Variants in SORT1 observed in about 807,000 individuals in gnomAD.
SORT1 encodes sortilin 1.
Under a neutral mutation model 101.7 loss-of-function variants are expected in SORT1, and 39 were observed. The observed-to-expected ratio is 0.38, with a 90% CI of 0.30 to 0.50. The LOEUF is 0.50. SORT1 is among the 20% of genes least tolerant of loss of function. The probability of loss-of-function intolerance (pLI) is 0.90; values close to 1 mark genes in which losing one functional copy is unlikely to be tolerated. For missense variants in SORT1, 878 were observed against 1,040.4 expected (o/e 0.84, Z 2.15); for synonymous variants, 396 against 393.7 (o/e 1.01, Z -0.07).
At chr1:109,387,942 C>T (rs758337209) in intron 1 of SORT1, among the ~76,000 whole-genome samples, 18 of 151,754 alleles carry the variant, frequency 1.2e-4, no homozygotes, top group Non-Finnish European at 2.5e-4. Flanking sequence ...AGAGCGAGAC[C>T]CTGTCTCAAA....
chr1:109,314,505 C>T (rs1658920543), intron 18 of SORT1, 121 bp from the exon 19 acceptor site: 1 of 1,277,668 alleles, frequency 7.8e-7, no homozygotes, highest in Admixed American at 2.3e-5. Context: ...AAAGCACAGT[C>T]CATGGTTGAC....
chr1:109,372,221 T>G (rs1570967080), intron 1 of SORT1, among the ~76,000 whole-genome samples: 2 of 152,344 alleles, frequency 1.3e-5, no homozygotes, highest in Admixed American at 1.3e-4. Flanking sequence ...ACAACGTACA[T>G]GTCATTCTAC....
chr1:109,397,570 GC>G lies in SORT1; in HGVS notation c.306+16del. The G allele has an allele frequency of 8.5e-7, 1 of 1,179,700 alleles. No individual in the cohort carries two copies. 73.1% of individuals were successfully genotyped at this position (1,179,700 alleles called of 1,614,324 possible). A position where few individuals can be genotyped will look rare whatever the true frequency, so the allele number is the denominator to read the frequency against. On this transcript the variant is annotated intron_variant, in intron 1 of 19. Transcript: ENST00000256637. ...CACCTCGCACCCGAGCGGCTCCCGGGCCCGGCGCCCGCTCACCTGGTGCGTG... is the reference window on the plus strand; with the variant it reads ...CACCTCGCACCCGAGCGGCTCCCGGGCCGGCGCCCGCTCACCTGGTGCGTG...
intron 1 of SORT1, chr1:109,393,147 T>A: frequency 1.0e-6 from 1 of 985,466 alleles, no homozygotes; most frequent in Non-Finnish European, 1.2e-6. Flanking sequence ...GACTCAACCC[T>A]GCCAGAGCCA....
intron 1 of SORT1, chr1:109,392,668 C>A (rs2100934436): frequency 1.0e-6 from 1 of 984,504 alleles, no homozygotes; most frequent in South Asian, 4.7e-5. Flanking sequence ...AACCAAACTT[C>A]AGATGAAGAC....
At chr1:109,341,948 A>C in intron 9 of SORT1, 66 bp downstream of exon 9, 1 of 1,487,100 alleles carries the variant, frequency 6.7e-7, no homozygotes, top group Non-Finnish European at 9.4e-7. Context: ...TCGACATGTA[A>C]AAATAAAAGC....
chr1:109,369,540 T>C lies in SORT1; in HGVS notation c.356A>G (p.Asp119Gly). The C allele has an allele frequency of 6.2e-7, 1 of 1,604,078 alleles. No individual in the cohort carries two copies. Among genetic ancestry groups the C allele is most frequent in the Non-Finnish European group, 8.5e-7 (1 of 1,170,952 alleles). ...RGSVSLSWVG[D>G]STGVILVLTT... ...CAAAATATGACTTACCCCAGTGCTA[T>C]CTCCAACCCAGGACAAGGATACTGA... The change falls in exon 2 of 20, where the codon GAT (aspartate) becomes GGT (glycine). Residue 119 changes from aspartate to glycine, a missense_variant. This residue lies in a region of SORT1 where 684 missense variants were observed against 894.5 expected (regional missense o/e 0.76). Coordinates refer to ENST00000256637, the MANE Select transcript of SORT1 (RefSeq NM_002959.7).
chr1:109,378,135 G>A (rs1299664862), intron 1 of SORT1, among the ~76,000 whole-genome samples: 1 of 152,114 alleles, frequency 6.6e-6, no homozygotes, highest in African/African-American at 2.4e-5. Flanking sequence ...TACTCAGGAA[G>A]CTGAGGTAGG....
chr1:109,363,971 A>C (rs2101619092), intron 3 of SORT1, among the ~76,000 whole-genome samples: 1 of 152,350 alleles, frequency 6.6e-6, no homozygotes, highest in East Asian at 1.9e-4. Flanking sequence ...AAAGGCAACA[A>C]GGCATATTTA....
chr1:109,344,064 T>G (rs1227189095), intron 8 of SORT1, among the ~76,000 whole-genome samples: 1 of 152,166 alleles, frequency 6.6e-6, no homozygotes, highest in African/African-American at 2.4e-5. Flanking sequence ...AAGGTACCCT[T>G]GATTCCACTC....
intron 11 of SORT1, among the ~76,000 whole-genome samples, chr1:109,331,895 A>G (rs1648479013): frequency 6.6e-6 from 1 of 151,866 alleles, no homozygotes; most frequent in Non-Finnish European, 1.5e-5. Context: ...AACTATCCAA[A>G]AAAGAAATCA....
chr1:109,335,940 T>G (rs1648793659), intron 11 of SORT1, among the ~76,000 whole-genome samples: 1 of 152,252 alleles, frequency 6.6e-6, no homozygotes, highest in Non-Finnish European at 1.5e-5. Context: ...GCTGCCAAGC[T>G]GACCCCTAAC....
intron 16 of SORT1, among the ~76,000 whole-genome samples, chr1:109,317,296 C>G (rs903064322): frequency 6.6e-6 from 1 of 152,042 alleles, no homozygotes; most frequent in Admixed American, 6.6e-5. Context: ...TAATGAGGCC[C>G]GTCTAGAGCA....
In SORT1 at chr1:109,311,015, C is replaced by T. The variant is rs940224008; in HGVS notation, c.*3028G>A. 3.7e-4 allele frequency: 56 copies of T among 152,346 alleles called. No homozygotes were observed. Among genetic ancestry groups the T allele is most frequent in the African/African-American group, 1.3e-3 (54 of 41,556 alleles). 9.4% of individuals were successfully genotyped at this position (152,346 alleles called of 1,614,324 possible). On this transcript the variant is annotated 3_prime_UTR_variant, in exon 20 of 20. Coordinates refer to ENST00000256637, the MANE Select transcript of SORT1 (RefSeq NM_002959.7). ...CATTCAGAGGCAGACGTAGATTCTA[C>T]GTTCCAGTTACGGCTGATCTATGGA...
intron 15 of SORT1, among the ~76,000 whole-genome samples, chr1:109,322,058 T>C (rs1189169967): frequency 2.0e-5 from 3 of 152,016 alleles, no homozygotes; most frequent in Non-Finnish European, 4.4e-5. Context: ...ACCTAGTGTC[T>C]GCCTGCTGAG....
intron 11 of SORT1, among the ~76,000 whole-genome samples, chr1:109,328,215 C>T (rs959144571): frequency 1.3e-5 from 2 of 152,222 alleles, no homozygotes; most frequent in East Asian, 1.9e-4. Context: ...GTACAAATAT[C>T]TTTTTGAGAA....
chr1:109,367,598 C>A (rs960982957), intron 2 of SORT1, 117 bp from the exon 3 acceptor site: 6 of 623,434 alleles, frequency 9.6e-6, no homozygotes, highest in Non-Finnish European at 1.7e-5. Flanking sequence ...TTGTAGTACT[C>A]CCCAAAGTCT....
chr1:109,333,884 T>C (rs1648624367), intron 11 of SORT1, among the ~76,000 whole-genome samples: 1 of 152,170 alleles, frequency 6.6e-6, no homozygotes. Flanking sequence ...TGGTGGCTCA[T>C]GCCTGCAATC....
intron 8 of SORT1, among the ~76,000 whole-genome samples, chr1:109,343,865 G>A (rs1649402165): frequency 6.6e-6 from 1 of 152,122 alleles, no homozygotes; most frequent in Non-Finnish European, 1.5e-5. Flanking sequence ...TGGCCAGGCT[G>A]CTCTCAAACT....
Sources: allele counts gnomAD v4.1 joint callset (sites outside exome capture counted in the v4.1 genomes callset), GRCh38; gene constraint gnomAD v4.1.1; regional missense constraint gnomAD v4.1.1; transcripts MANE v1.5; gene names NCBI Gene and HGNC (gene_info 2026-07-23, HGNC 2026-07-21).